SOCS6: variants seen among roughly 807,000 people sequenced by gnomAD.
The protein encoded by SOCS6 is suppressor of cytokine signaling 6.
In SOCS6, 5 loss-of-function variants were observed where a neutral mutation model predicts 27.7. That is an observed-to-expected ratio of 0.18 (90% CI 0.09 to 0.38). The LOEUF (loss-of-function observed/expected upper bound fraction) is 0.38, where lower values mean the gene tolerates loss of function less well. Ranked by LOEUF, SOCS6 falls within the 10% of genes least tolerant of loss-of-function variation. The pLI is 1.00. For synonymous variants in SOCS6, 271 were observed against 260.0 expected (o/e 1.04, Z -0.41); for missense variants, 595 against 688.1 (o/e 0.86, Z 1.51).
At chr18:70,303,480 A>C (rs958668392) in intron 1 of SOCS6, among the ~76,000 whole-genome samples, 1 of 152,178 alleles carries the variant, frequency 6.6e-6, no homozygotes, top group African/African-American at 2.4e-5. Context: ...CATATTGCCA[A>C]ATTAATTTTT....
intron 1 of SOCS6, among the ~76,000 whole-genome samples, chr18:70,311,459 G>A (rs2146280957): frequency 6.6e-6 from 1 of 152,190 alleles, no homozygotes; most frequent in South Asian, 2.1e-4. Context: ...CCAAGTAACT[G>A]AAACACAGAG....
intron 1 of SOCS6, among the ~76,000 whole-genome samples, chr18:70,300,706 G>T (rs1039376741): frequency 4.6e-5 from 7 of 152,230 alleles, no homozygotes; most frequent in Admixed American, 4.6e-4. Context: ...GTATCCCCCT[G>T]CAAATTTAAG....
chr18:70,302,925 G>T (rs898959740), intron 1 of SOCS6, among the ~76,000 whole-genome samples: 4 of 151,988 alleles, frequency 2.6e-5, no homozygotes, highest in Non-Finnish European at 5.9e-5. Flanking sequence ...TTTTTTGTTT[G>T]GCAGTCATGG....
rs187784356 is a variant in SOCS6, at chr18:70,315,133, A to G, written c.-126-9410A>G. Among the ~76,000 whole-genome samples, 630 of 152,268 alleles carry G rather than the reference A, an allele frequency of 4.1e-3. 4 individuals are homozygous for G. Among genetic ancestry groups the G allele is most frequent in the African/African-American group, 0.014 (597 of 41,552 alleles). ...ATTTACGGTTTGTACTTCAATGTTC[A>G]TAAGTGAGATCAGTTTGATTTTTCT... On this transcript the variant is annotated intron_variant, in intron 1 of 1. Coordinates refer to ENST00000397942, the MANE Select transcript of SOCS6 (RefSeq NM_004232.4).
At chr18:70,306,032 G>A (rs1043210296) in intron 1 of SOCS6, among the ~76,000 whole-genome samples, 3 of 152,104 alleles carry the variant, frequency 2.0e-5, no homozygotes, top group Non-Finnish European at 4.4e-5. Context: ...GAGCCTAGGA[G>A]TTTAAGACCA....
intron 1 of SOCS6, among the ~76,000 whole-genome samples, chr18:70,307,001 G>A (rs757508066): frequency 3.3e-5 from 5 of 152,124 alleles, no homozygotes; most frequent in Non-Finnish European, 7.4e-5. Context: ...GGTGGCTTAC[G>A]CCTGTAATCC....
At position 70,329,139 on chromosome 18, in the gene SOCS6, A is replaced by C. The variant is rs759709209; in HGVS notation, c.*2863A>C. 1 of 167,234 alleles carries C rather than the reference A, an allele frequency of 6.0e-6. No individual in the cohort carries two copies. Among genetic ancestry groups the C allele is most frequent in the South Asian group, 2.1e-4 (1 of 4,828 alleles). 10.4% of individuals were successfully genotyped at this position (167,234 alleles called of 1,614,324 possible). The stretch of plus-strand genomic sequence containing the variant: ...TTATGCATTTTTATAAATAAGAAGA[A>C]GGCTGTAGAAAGTACTTGAAAAATA... On this transcript the variant is annotated 3_prime_UTR_variant, in exon 2 of 2. Transcript: ENST00000397942.
intron 1 of SOCS6, among the ~76,000 whole-genome samples, chr18:70,320,966 A>G (rs1323248000): frequency 6.6e-6 from 1 of 152,134 alleles, no homozygotes; most frequent in Non-Finnish European, 1.5e-5. Flanking sequence ...TAATGAGTAT[A>G]TTGTCATTTT....
At chr18:70,310,823 A>T (rs943116710) in intron 1 of SOCS6, among the ~76,000 whole-genome samples, 1 of 152,200 alleles carries the variant, frequency 6.6e-6, no homozygotes, top group Non-Finnish European at 1.5e-5. Flanking sequence ...TTCAAGTAAC[A>T]TGGCAGTTTC....
chr18:70,289,440 C>T (rs1424725622), intron 1 of SOCS6, among the ~76,000 whole-genome samples: 1 of 147,304 alleles, frequency 6.8e-6, no homozygotes, highest in Admixed American at 6.7e-5. Flanking sequence ...CTCGACCCCT[C>T]GGCCTCTTCG....
chr18:70,299,384 AG>A, intron 1 of SOCS6, among the ~76,000 whole-genome samples: 1 of 152,208 alleles, frequency 6.6e-6, no homozygotes, highest in African/African-American at 2.4e-5. Context: ...ACAGCCCAGT[AG>A]AAGAGGTGCA....
In SOCS6 at chr18:70,326,225, A is replaced by G. The variant is rs1400456345; in HGVS notation, c.1557A>G (p.Lys519=). 6.2e-7 allele frequency: 1 copy of G among 1,614,062 alleles called. No individual in the cohort carries two copies. Among genetic ancestry groups the G allele is most frequent in the African/African-American group, 1.3e-5 (1 of 75,038 alleles). ...RQYTRIDLIQ[K]LPLPNKMKDY... ...ATACCAGAATAGACTTAATTCAGAA[A>G]CTGCCTTTGCCAAACAAAATGAAGG... Residue 519 remains lysine, a synonymous_variant, in exon 2 of 2, where the codon AAA becomes AAG. Coordinates refer to ENST00000397942, the MANE Select transcript of SOCS6 (RefSeq NM_004232.4).
chr18:70,302,170 TG>T (rs2062350979), intron 1 of SOCS6, among the ~76,000 whole-genome samples: 1 of 151,924 alleles, frequency 6.6e-6, no homozygotes, highest in South Asian at 2.1e-4. Flanking sequence ...CAGCTGACGG[TG>T]GGGGCCCTTG....
chr18:70,307,208 GC>G (rs2062373107), intron 1 of SOCS6, among the ~76,000 whole-genome samples: 1 of 152,178 alleles, frequency 6.6e-6, no homozygotes, highest in South Asian at 2.1e-4. Flanking sequence ...GTTGCAGCGA[GC>G]CATGATTGCA....
At chr18:70,301,009 GTTTT>G (rs1005800672) in intron 1 of SOCS6, among the ~76,000 whole-genome samples, 7 of 152,290 alleles carry the variant, frequency 4.6e-5, no homozygotes, top group African/African-American at 1.7e-4. Context: ...ATGTAATTCT[GTTTT>G]TATGTAGTTG....
intron 1 of SOCS6, among the ~76,000 whole-genome samples, chr18:70,293,791 G>A (rs1307345240): frequency 6.6e-6 from 1 of 152,156 alleles, no homozygotes. Flanking sequence ...CTCAGAGCTG[G>A]TGTGATAATG....
chr18:70,315,113 C>T (rs372940529), intron 1 of SOCS6, among the ~76,000 whole-genome samples: 2 of 151,988 alleles, frequency 1.3e-5, no homozygotes, highest in South Asian at 2.1e-4. Flanking sequence ...CTGGTATTTA[C>T]GGTTTGTACT....
intron 1 of SOCS6, among the ~76,000 whole-genome samples, chr18:70,321,312 GTTTTTTTT>G (rs763120236): frequency 3.6e-4 from 25 of 68,690 alleles, no homozygotes; most frequent in South Asian, 7.4e-4. Flanking sequence ...AATTTTCTCA[GTTTTTTTT>G]TTTTTTTTTT....
chr18:70,324,958 G>A lies in SOCS6; in HGVS notation c.290G>A (p.Ser97Asn). The part of the protein sequence containing the change: ...SKGKAGTPSG[S>N]SADEDTFSSS... ...GGCAAGGCGGGCACACCCTCTGGGAGCTCTGCCGACGAGGACACCTTCTCC... is the reference window on the plus strand; with the variant it reads ...GGCAAGGCGGGCACACCCTCTGGGAACTCTGCCGACGAGGACACCTTCTCC... Residue 97 changes from serine (S) to asparagine (N), a missense_variant, in exon 2 of 2, where the codon AGC (serine) becomes AAC (asparagine). This residue lies in a region of SOCS6 where 467 missense variants were observed against 481.1 expected (regional missense o/e 0.97). Transcript: ENST00000397942. 1 of 1,614,214 alleles carries A rather than the reference G, an allele frequency of 6.2e-7. No homozygotes were observed. The highest frequency in any genetic ancestry group is 8.5e-7 in the Non-Finnish European group (1 of 1,180,036).
Sources: gnomAD v4.1 joint callset for allele counts (sites outside exome capture counted in the v4.1 genomes callset) on GRCh38, gnomAD v4.1.1 for gene constraint, gnomAD v4.1.1 regional missense constraint, MANE v1.5 for transcripts, NCBI Gene and HGNC (gene_info 2026-07-23, HGNC 2026-07-21) for gene names.